The following WWOX variants were observed in gnomAD, a reference collection of about 807,000 sequenced individuals.
The protein encoded by WWOX is WW domain containing oxidoreductase.
WWOX carries 69 observed loss-of-function variants against 46.2 expected under a neutral mutation model. The ratio of observed to expected loss-of-function variants is 1.49; its 90% CI spans 1.23 to 1.82. The LOEUF (loss-of-function observed/expected upper bound fraction) is 1.82, where lower values mean the gene tolerates loss of function less well. WWOX is among the 40% of genes most tolerant of loss of function. The probability of loss-of-function intolerance (pLI) is 0.00; values close to 1 mark genes in which losing one functional copy is unlikely to be tolerated. For missense variants in WWOX, 919 were observed against 542.6 expected, an observed-to-expected ratio of 1.69 and a Z score of -6.89; for synonymous variants, 359 against 202.6, an observed-to-expected ratio of 1.77 and a Z score of -6.56.
chr16:78,290,612 T>C (rs1161685143), intron 5 of WWOX, among the ~76,000 whole-genome samples: 1 of 152,150 alleles, frequency 6.6e-6, no homozygotes. Context: ...ATTACACACA[T>C]AATTCAAAGG....
At chr16:78,345,641 A>C (rs2081082969) in intron 5 of WWOX, among the ~76,000 whole-genome samples, 1 of 46,146 alleles carries the variant, frequency 2.2e-5, no homozygotes, top group African/African-American at 1.6e-4. Flanking sequence ...CCCTGTCTCA[A>C]AAAAAAAAAA....
chr16:78,700,292 C>T (rs1364773906), intron 8 of WWOX, among the ~76,000 whole-genome samples: 1 of 147,464 alleles, frequency 6.8e-6, no homozygotes. Context: ...TGCCTTCTTG[C>T]TGTGTCCTCA....
intron 8 of WWOX, among the ~76,000 whole-genome samples, chr16:78,876,798 A>G (rs942254823): frequency 4.3e-4 from 65 of 152,316 alleles, no homozygotes; most frequent in African/African-American, 1.4e-3. Context: ...CACCTCATCT[A>G]TTATGCTGTG....
chr16:79,018,550 G>A (rs761537736), intron 8 of WWOX, among the ~76,000 whole-genome samples: 1 of 152,140 alleles, frequency 6.6e-6, no homozygotes, highest in Non-Finnish European at 1.5e-5. Context: ...TGGTTTGGGG[G>A]AGTGGGCTGT....
At chr16:79,114,209 G>C (rs2049468491) in intron 8 of WWOX, among the ~76,000 whole-genome samples, 1 of 151,998 alleles carries the variant, frequency 6.6e-6, no homozygotes, top group African/African-American at 2.4e-5. Context: ...AAGATATGTT[G>C]AAGTCCCATC....
At chr16:78,887,445 A>C (rs1455409675) in intron 8 of WWOX, among the ~76,000 whole-genome samples, 5 of 148,258 alleles carry the variant, frequency 3.4e-5, no homozygotes, top group South Asian at 2.2e-4. Context: ...GTGGGAAGGC[A>C]ATGAAGGCAA....
At chr16:78,902,915 G>C (rs941101689) in intron 8 of WWOX, among the ~76,000 whole-genome samples, 3 of 152,302 alleles carry the variant, frequency 2.0e-5, no homozygotes, top group South Asian at 4.1e-4. Context: ...CTAGTGTCTT[G>C]TAAAGCTGCA....
chr16:78,891,625 C>G (rs1340158273), intron 8 of WWOX: 1 of 152,168 alleles, frequency 6.6e-6, no homozygotes, highest in East Asian at 1.9e-4. Context: ...GTTACTGCAA[C>G]TTTTTCAAGG....
chr16:78,365,844 A>G (rs2081525003), intron 5 of WWOX, among the ~76,000 whole-genome samples: 1 of 152,166 alleles, frequency 6.6e-6, no homozygotes, highest in Non-Finnish European at 1.5e-5. Flanking sequence ...TTTCTCCAGT[A>G]AAGAGGAAAG....
intron 8 of WWOX, among the ~76,000 whole-genome samples, chr16:79,099,377 C>T (rs2049143986): frequency 6.6e-6 from 1 of 152,176 alleles, no homozygotes; most frequent in African/African-American, 2.4e-5. Context: ...GGTCCCGTGA[C>T]AATTAGCCTT....
intron 8 of WWOX, among the ~76,000 whole-genome samples, chr16:78,922,680 C>T (rs1405661490): frequency 6.6e-6 from 1 of 151,900 alleles, no homozygotes; most frequent in African/African-American, 2.4e-5. Context: ...CCACCAGCCT[C>T]AGTGAATGTT....
intron 5 of WWOX, among the ~76,000 whole-genome samples, chr16:78,266,788 TTCTCTCTCTCTCTCTCTCTC>T (rs60393431): frequency 3.0e-4 from 35 of 115,626 alleles, no homozygotes; most frequent in African/African-American, 9.3e-4. Flanking sequence ...TATTCTTCTA[TTCTCTCTCTCTCTCTCTCTC>T]TCTCTCTCTC....
chr16:79,017,712 T>C (rs960503846), intron 8 of WWOX, among the ~76,000 whole-genome samples: 3 of 152,136 alleles, frequency 2.0e-5, no homozygotes, highest in African/African-American at 7.2e-5. Context: ...TTTGATTTTT[T>C]TTTTCATAAA....
At chr16:78,919,734 C>G (rs1389255296) in intron 8 of WWOX, among the ~76,000 whole-genome samples, 7 of 152,002 alleles carry the variant, frequency 4.6e-5, no homozygotes, top group Admixed American at 4.6e-4. Flanking sequence ...CCCAGCTGGT[C>G]TCGAACTCGT....
chr16:78,263,175 G>T (rs768221620), intron 5 of WWOX, among the ~76,000 whole-genome samples: 2 of 152,198 alleles, frequency 1.3e-5, no homozygotes, highest in Non-Finnish European at 2.9e-5. Context: ...AGGAGATGGA[G>T]GTTGCAGTGA....
chr16:79,185,680 G>A (rs1350904128), intron 8 of WWOX, among the ~76,000 whole-genome samples: 4 of 152,246 alleles, frequency 2.6e-5, no homozygotes, highest in Admixed American at 6.5e-5. Context: ...CAGAGCCTGT[G>A]CTAAGACATC....
intron 8 of WWOX, among the ~76,000 whole-genome samples, chr16:79,068,861 AT>A (rs2150561631): frequency 6.8e-6 from 1 of 146,878 alleles, no homozygotes; most frequent in East Asian, 1.9e-4. Context: ...AATAATAATA[AT>A]AAAGAAAGCG....
intron 8 of WWOX, among the ~76,000 whole-genome samples, chr16:78,599,102 C>T (rs191201934): frequency 5.9e-5 from 9 of 152,234 alleles, no homozygotes; most frequent in Admixed American, 2.6e-4. Context: ...AACCTGAATG[C>T]CAGCTCAAGC....
intron 8 of WWOX, among the ~76,000 whole-genome samples, chr16:78,813,082 TTTC>T (rs1397554767): frequency 6.6e-6 from 1 of 151,806 alleles, no homozygotes; most frequent in Non-Finnish European, 1.5e-5. Context: ...TGTGAGATGT[TTTC>T]TTTTTTTTTT....
Sources: gnomAD v4.1 joint callset for allele counts (sites outside exome capture counted in the v4.1 genomes callset) on GRCh38, gnomAD v4.1.1 for gene constraint, MANE v1.5 for transcripts, NCBI Gene and HGNC (gene_info 2026-07-23, HGNC 2026-07-21) for gene names.